UNC13B: variants seen among roughly 807,000 people sequenced by gnomAD.
UNC13B encodes protein unc-13 homolog B.
UNC13B carries 144 observed loss-of-function variants against 211.0 expected under a neutral mutation model. That is an observed-to-expected ratio of 0.68 (90% CI 0.60 to 0.78). UNC13B has a LOEUF of 0.78. Among genes scored for constraint, UNC13B ranks in the 30% least tolerant of loss-of-function variants. The pLI, the probability that UNC13B is intolerant of heterozygous loss-of-function variation, is 0.00. For synonymous variants in UNC13B, 709 were observed against 725.8 expected, an observed-to-expected ratio of 0.98 and a Z score of 0.37; for missense variants, 1,777 against 2,002.0, an observed-to-expected ratio of 0.89 and a Z score of 2.14.
chr9:35,378,515 G>C, intron 17 of UNC13B, 79 bp downstream of exon 17: 2 of 1,581,076 alleles, frequency 1.3e-6, no homozygotes, highest in Middle Eastern at 1.7e-4. Context: ...TTCTGGGCTT[G>C]AGCTTGAAGA....
intron 2 of UNC13B, 131 bp downstream of exon 2, chr9:35,228,175 A>G (rs994019013): frequency 5.8e-5 from 50 of 861,604 alleles, no homozygotes; most frequent in Non-Finnish European, 8.0e-5. Context: ...AATTCATGAA[A>G]TCATTAATCT....
At chr9:35,280,168 C>G (rs1460887453) in intron 7 of UNC13B, among the ~76,000 whole-genome samples, 1 of 151,974 alleles carries the variant, frequency 6.6e-6, no homozygotes, top group East Asian at 1.9e-4. Context: ...GAAGAAGAAG[C>G]AAATGGTTGA....
In UNC13B at chr9:35,404,354, C is replaced by G. The variant is rs1836546462; in HGVS notation, c.*321C>G. 1 of 361,134 alleles carries G rather than the reference C, an allele frequency of 2.8e-6. No homozygotes were observed. 22.4% of individuals were successfully genotyped at this position (361,134 alleles called of 1,614,324 possible). A position where few individuals can be genotyped will look rare whatever the true frequency, so the allele number is the denominator to read the frequency against. Reference sequence around the variant, plus strand: ...GACACCTCTCCACTCCTCATCCCACCTCTACCCATCTCCATGCCACACCTT... The same window carrying G: ...GACACCTCTCCACTCCTCATCCCACGTCTACCCATCTCCATGCCACACCTT... On this transcript the variant is annotated 3_prime_UTR_variant, in exon 40 of 40. Coordinates refer to ENST00000635942, the MANE Select transcript of UNC13B (RefSeq NM_001371189.2).
At chr9:35,293,188 G>A (rs1187873473) in intron 7 of UNC13B, among the ~76,000 whole-genome samples, 1 of 151,948 alleles carries the variant, frequency 6.6e-6, no homozygotes, top group Non-Finnish European at 1.5e-5. Flanking sequence ...TCTTTCCATG[G>A]ATGCTTTGTT....
chr9:35,202,953 C>A (rs370224257), intron 1 of UNC13B, among the ~76,000 whole-genome samples: 1 of 151,952 alleles, frequency 6.6e-6, no homozygotes, highest in South Asian at 2.1e-4. Context: ...CCAACGTGCC[C>A]GGCTAATTTT....
At chr9:35,316,537 A>T (rs1003892051) in intron 11 of UNC13B, among the ~76,000 whole-genome samples, 3 of 152,206 alleles carry the variant, frequency 2.0e-5, no homozygotes, top group Non-Finnish European at 4.4e-5. Flanking sequence ...ATCAGAAACA[A>T]TGTTACTGAT....
chr9:35,232,108 G>A (rs1825235338), intron 3 of UNC13B, among the ~76,000 whole-genome samples: 2 of 147,048 alleles, frequency 1.4e-5, no homozygotes, highest in Admixed American at 7.0e-5. Flanking sequence ...CAGCTCAGAG[G>A]GACATAGGGA....
At chr9:35,292,100 C>T (rs1829130293) in intron 7 of UNC13B, among the ~76,000 whole-genome samples, 1 of 152,030 alleles carries the variant, frequency 6.6e-6, no homozygotes, top group Non-Finnish European at 1.5e-5. Flanking sequence ...AGCAACTAAG[C>T]CATGAAAAAA....
intron 1 of UNC13B, among the ~76,000 whole-genome samples, chr9:35,202,379 G>T (rs1823358142): frequency 6.6e-6 from 1 of 152,078 alleles, no homozygotes; most frequent in Admixed American, 6.6e-5. Context: ...TTCAATTCTT[G>T]GTGAGTTCAA....
In UNC13B at chr9:35,301,080, A is replaced by G. The variant is rs553159326; in HGVS notation, c.1676A>G (p.Glu559Gly). Residue 559 changes from glutamate to glycine, a missense_variant, in exon 9 of 40, where the codon GAA (glutamate) becomes GGA (glycine). By Grantham distance (98) the Glu-to-Gly change is moderately conservative (BLOSUM62 -2). Coordinates refer to ENST00000635942, the MANE Select transcript of UNC13B (RefSeq NM_001371189.2). ...ACAAAGCATCTAACAAACTCTGTGG[A>G]AAAGTTGGTTTCCTTAGTTCCAGAA... ...SGTKHLTNSVEKLVSLVPEKT... is the reference protein window; with the variant it reads ...SGTKHLTNSVGKLVSLVPEKT... 2 of 398,916 alleles carry G rather than the reference A, an allele frequency of 5.0e-6. No individual in the cohort carries two copies. Among genetic ancestry groups the G allele is most frequent in the African/African-American group, 4.1e-5 (2 of 48,748 alleles). The allele number at this position is 398,916 out of a possible 1,614,324, so 24.7% of individuals were successfully genotyped here. A position where few individuals can be genotyped will look rare whatever the true frequency, so the allele number is the denominator to read the frequency against.
intron 13 of UNC13B, 28 bp downstream of exon 13, chr9:35,370,424 GGCAGTA>G: frequency 1.2e-6 from 2 of 1,608,298 alleles, no homozygotes; most frequent in Non-Finnish European, 1.7e-6. Flanking sequence ...TGCAGGCATA[GGCAGTA>G]GCCTTGGGGT....
intron 1 of UNC13B, 119 bp downstream of exon 1, chr9:35,162,424 T>G: frequency 4.6e-6 from 6 of 1,308,546 alleles, no homozygotes; most frequent in Non-Finnish European, 6.1e-6. Context: ...GCTTTGGGGG[T>G]CTATTATTTT....
rs899511905 is a variant in UNC13B, at chr9:35,301,194, A to G, written c.1790A>G (p.Gln597Arg). ...GTATTGGGGAAGGATCTTTCCATGC[A>G]ATCTCCATTATCCTCTCAAAAAGAT... is the stretch of plus-strand genomic sequence containing the variant. Reference protein sequence around the residue: ...MAVLGKDLSMQSPLSSQKDDN... With the variant: ...MAVLGKDLSMRSPLSSQKDDN... The change falls in exon 9 of 40, where the codon CAA becomes CGA. Residue 597 changes from glutamine (Q) to arginine (R), a missense_variant. Gln to Arg is a conservative substitution (Grantham distance 43). Transcript: ENST00000635942. 1.8e-5 allele frequency: 7 copies of G among 398,824 alleles called. No individual in the cohort carries two copies. Among genetic ancestry groups the G allele is most frequent in the Non-Finnish European group, 2.7e-5 (6 of 225,970 alleles). 24.7% of individuals were successfully genotyped at this position (398,824 alleles called of 1,614,324 possible).
At chr9:35,254,388 C>T (rs1826692108) in intron 6 of UNC13B, among the ~76,000 whole-genome samples, 1 of 152,138 alleles carries the variant, frequency 6.6e-6, no homozygotes, top group Non-Finnish European at 1.5e-5. Context: ...GCTGTGTTCT[C>T]ATGTGATGGA....
At chr9:35,360,627 A>T (rs765069602) in intron 11 of UNC13B, 3 of 152,202 alleles carry the variant, frequency 2.0e-5, no homozygotes, top group Non-Finnish European at 4.4e-5. Flanking sequence ...TAGTGTGCAC[A>T]TTAGGTTCTT....
Position 35,376,096 on chromosome 9 carries a change from C to G in UNC13B, c.9684C>G (p.Asn3228Lys), listed in dbSNP as rs759401091. Reference protein sequence around the residue: ...IYPISCTTPHNFEVWTATTPT... With the variant: ...IYPISCTTPHKFEVWTATTPT... ...CCATTTCGTGCACCACTCCTCATAA[C>G]TTTGAGGTCTGGACGGCCACTACCC... Residue 3228 changes from asparagine to lysine, a missense_variant, in exon 15 of 40, where the codon AAC (asparagine) becomes AAG (lysine). Transcript: ENST00000635942. 4 of 1,614,140 alleles carry G rather than the reference C, an allele frequency of 2.5e-6. No individual in the cohort carries two copies. The East Asian group carries it at 6.7e-5, about 27-fold the overall frequency.
intron 6 of UNC13B, among the ~76,000 whole-genome samples, chr9:35,255,604 T>C (rs2131611039): frequency 6.6e-6 from 1 of 152,168 alleles, no homozygotes; most frequent in Admixed American, 6.5e-5. Flanking sequence ...TCATAGCAGG[T>C]AGAAGTGAGT....
chr9:35,206,529 C>A (rs999220381), intron 1 of UNC13B, among the ~76,000 whole-genome samples: 1 of 152,018 alleles, frequency 6.6e-6, no homozygotes, highest in Non-Finnish European at 1.5e-5. Flanking sequence ...AGGGTTCATC[C>A]ATATGGTGGT....
intron 38 of UNC13B, 73 bp from the exon 39 acceptor site, chr9:35,403,367 G>A: frequency 3.7e-6 from 6 of 1,604,124 alleles, no homozygotes; most frequent in South Asian, 1.1e-5. Context: ...CTCCTCCAAG[G>A]GGAAGGTCAC....
Sources: allele counts gnomAD v4.1 joint callset (sites outside exome capture counted in the v4.1 genomes callset), GRCh38; gene constraint gnomAD v4.1.1; transcripts MANE v1.5; gene names NCBI Gene and HGNC (gene_info 2026-07-23, HGNC 2026-07-21).